KIAA1328: variants seen among roughly 807,000 people sequenced by gnomAD.
KIAA1328 encodes the protein KIAA1328, also known as protein hinderin.
KIAA1328 carries 52 observed loss-of-function variants against 68.1 expected under a neutral mutation model. That is an observed-to-expected ratio of 0.76 (90% confidence interval 0.61 to 0.96). The LOEUF (loss-of-function observed/expected upper bound fraction) is 0.96. KIAA1328 is among the 40% of genes least tolerant of loss of function. The pLI, the probability that KIAA1328 is intolerant of heterozygous loss-of-function variation, is 0.00. For missense variants in KIAA1328, 641 were observed against 677.6 expected (o/e 0.95, Z 0.60); for synonymous variants, 232 against 239.4 (o/e 0.97, Z 0.28).
At chr18:37,175,077 T>C (rs1006683229) in intron 9 of KIAA1328, among the ~76,000 whole-genome samples, 7 of 152,190 alleles carry the variant, frequency 4.6e-5, no homozygotes, top group South Asian at 4.1e-4. Context: ...TCACTTAACG[T>C]TGTGGCTGAA....
chr18:37,180,657 A>G (rs998492477), intron 9 of KIAA1328, among the ~76,000 whole-genome samples: 8 of 150,986 alleles, frequency 5.3e-5, no homozygotes, highest in African/African-American at 2.0e-4. Flanking sequence ...TAATGAGACT[A>G]TCTTCTCACA....
chr18:36,993,167 T>C (rs2053257763), intron 6 of KIAA1328, among the ~76,000 whole-genome samples: 1 of 152,092 alleles, frequency 6.6e-6, no homozygotes, highest in Non-Finnish European at 1.5e-5. Flanking sequence ...AAGGAAGTCA[T>C]GGTTCAAGAT....
intron 6 of KIAA1328, among the ~76,000 whole-genome samples, chr18:37,004,116 T>A (rs2053688168): frequency 6.6e-6 from 1 of 152,170 alleles, no homozygotes; most frequent in South Asian, 2.1e-4. Flanking sequence ...TTTCTAGTTC[T>A]GTGAAGAATG....
intron 6 of KIAA1328, among the ~76,000 whole-genome samples, chr18:36,974,538 A>C (rs1293178139): frequency 6.6e-6 from 1 of 152,118 alleles, no homozygotes; most frequent in Non-Finnish European, 1.5e-5. Context: ...TTCTTTTTCT[A>C]ATCATCCATT....
chr18:36,966,020 G>A (rs1402928166), intron 6 of KIAA1328, among the ~76,000 whole-genome samples: 1 of 151,800 alleles, frequency 6.6e-6, no homozygotes, highest in Non-Finnish European at 1.5e-5. Context: ...TTCCTTGCTA[G>A]GCCTGCCATG....
chr18:37,105,164 A>AAT lies in KIAA1328; in HGVS notation c.1232+37620_1232+37621insTA, dbSNP rs531215071. ...TTGTTGTTTACCCTACACACTCTAG[A>AAT]AACCATCAGTAAAATTGTAAAATTG... On this transcript the variant is annotated intron_variant, in intron 7 of 9. Coordinates refer to ENST00000280020, the MANE Select transcript of KIAA1328 (RefSeq NM_020776.3). Among the ~76,000 whole-genome samples, 188 of 152,338 alleles carry AAT rather than the reference A, an allele frequency of 1.2e-3. 1 individual carries two copies. The highest frequency in any genetic ancestry group is 0.01 in the Middle Eastern group (3 of 294).
At chr18:36,995,426 A>G (rs972529474) in intron 6 of KIAA1328, among the ~76,000 whole-genome samples, 3 of 152,174 alleles carry the variant, frequency 2.0e-5, no homozygotes, top group Non-Finnish European at 4.4e-5. Flanking sequence ...ATACGTGTGC[A>G]TCATTCACCC....
intron 6 of KIAA1328, among the ~76,000 whole-genome samples, chr18:36,984,847 A>C (rs980583561): frequency 6.9e-6 from 1 of 145,294 alleles, no homozygotes; most frequent in African/African-American, 2.5e-5. Flanking sequence ...CGGAGCTTGC[A>C]GGGAGCAGAG....
intron 3 of KIAA1328, among the ~76,000 whole-genome samples, chr18:36,842,605 A>G (rs751856036): frequency 2.6e-5 from 4 of 152,092 alleles, no homozygotes; most frequent in Non-Finnish European, 5.9e-5. Flanking sequence ...CAGTTTTACT[A>G]TTCTGTAGTT....
At chr18:37,136,015 C>G (rs980271587) in intron 7 of KIAA1328, among the ~76,000 whole-genome samples, 1 of 152,094 alleles carries the variant, frequency 6.6e-6, no homozygotes, top group African/African-American at 2.4e-5. Context: ...GTCTATGTGT[C>G]TGTTTTGTAC....
At chr18:37,196,037 A>T (rs1375580894) in intron 9 of KIAA1328, among the ~76,000 whole-genome samples, 1 of 151,476 alleles carries the variant, frequency 6.6e-6, no homozygotes, top group Non-Finnish European at 1.5e-5. Context: ...ATTTATTCCT[A>T]TTTTTTTGTA....
At chr18:36,892,829 G>T (rs1056112313) in intron 5 of KIAA1328, among the ~76,000 whole-genome samples, 1 of 152,104 alleles carries the variant, frequency 6.6e-6, no homozygotes, top group African/African-American at 2.4e-5. Context: ...TTTTATTGTT[G>T]TCTAAACTAT....
chr18:37,121,824 T>C (rs2058279303), intron 7 of KIAA1328, among the ~76,000 whole-genome samples: 2 of 149,532 alleles, frequency 1.3e-5, no homozygotes, highest in South Asian at 4.1e-4. Context: ...CTCCTATTTG[T>C]TATTTAGGTG....
At chr18:36,835,006 T>C (rs1038840728) in intron 2 of KIAA1328, among the ~76,000 whole-genome samples, 1 of 152,118 alleles carries the variant, frequency 6.6e-6, no homozygotes, top group Non-Finnish European at 1.5e-5. Context: ...CCTGTCTCTT[T>C]AAAAAAATAA....
At chr18:37,097,587 G>A (rs1295577689) in intron 7 of KIAA1328, among the ~76,000 whole-genome samples, 1 of 152,228 alleles carries the variant, frequency 6.6e-6, no homozygotes, top group African/African-American at 2.4e-5. Flanking sequence ...GAACTTTAAA[G>A]TAGTTTTTTC....
intron 6 of KIAA1328, among the ~76,000 whole-genome samples, chr18:37,000,118 T>G (rs2053535000): frequency 6.6e-6 from 1 of 151,942 alleles, no homozygotes; most frequent in African/African-American, 2.4e-5. Flanking sequence ...GAAACTCACC[T>G]AACTTGTAAA....
At chr18:36,920,149 AT>A (rs2049862232) in intron 5 of KIAA1328, among the ~76,000 whole-genome samples, 2 of 152,080 alleles carry the variant, frequency 1.3e-5, no homozygotes, top group Non-Finnish European at 2.9e-5. Flanking sequence ...CCAGAATGGT[AT>A]TTCCTAGGTT....
chr18:36,836,549 A>G lies in KIAA1328; in HGVS notation c.237+1173A>G, dbSNP rs1279252534. Among the ~76,000 whole-genome samples the G allele has an allele frequency of 2.0e-5, 3 of 152,116 alleles. No individual in the cohort carries two copies. The East Asian group carries it at 5.8e-4, about 29-fold the overall frequency. On this transcript the variant is annotated intron_variant, in intron 3 of 9. Coordinates refer to ENST00000280020, the MANE Select transcript of KIAA1328 (RefSeq NM_020776.3). ...TCCTGACTTTTTTGATATTGTTGTC[A>G]TACATTTTACTTATGTGCACAGACC...
intron 7 of KIAA1328, among the ~76,000 whole-genome samples, chr18:37,105,093 T>A (rs1180720642): frequency 2.6e-5 from 4 of 152,234 alleles, no homozygotes; most frequent in Non-Finnish European, 5.9e-5. Context: ...CAATGTCCCT[T>A]TGAAAATTCT....
Sources: allele counts gnomAD v4.1 joint callset (sites outside exome capture counted in the v4.1 genomes callset), GRCh38; gene constraint gnomAD v4.1.1; transcripts MANE v1.5; gene names NCBI Gene and HGNC (gene_info 2026-07-23, HGNC 2026-07-21).